DOCK8: variants seen among roughly 807,000 people sequenced by gnomAD.
DOCK8 encodes dedicator of cytokinesis 8, also known as dedicator of cytokinesis protein 8.
A neutral mutation model predicts 245.6 loss-of-function variants in DOCK8; 141 were observed. That is an observed-to-expected ratio of 0.57 (90% CI 0.50 to 0.66). DOCK8 has a LOEUF of 0.66. Ranked by LOEUF, DOCK8 falls within the 30% of genes least tolerant of loss-of-function variation. The probability of loss-of-function intolerance (pLI) is 0.00; values close to 1 mark genes in which losing one functional copy is unlikely to be tolerated. For missense variants in DOCK8, 2,965 were observed against 2,603.4 expected, an observed-to-expected ratio of 1.14 and a Z score of -3.02; for synonymous variants, 1,168 against 970.2, an observed-to-expected ratio of 1.20 and a Z score of -3.79.
chr9:322,668 A>G (rs1177407440), intron 7 of DOCK8, among the ~76,000 whole-genome samples: 3 of 152,218 alleles, frequency 2.0e-5, no homozygotes, highest in Admixed American at 1.3e-4. Flanking sequence ...TCTCGGAACC[A>G]CAGAGGACTT....
At position 248,547 on chromosome 9, in the gene DOCK8, TTCTC is replaced by T. The variant is rs71317280; in HGVS notation, c.54-23068_54-23065del. On this transcript the variant is annotated intron_variant, in intron 1 of 47. Coordinates refer to ENST00000432829, the MANE Select transcript of DOCK8 (RefSeq NM_203447.4). The stretch of plus-strand genomic sequence containing the variant: ...TCCCTCTCTCTCTTTCTTTCTTTCT[TTCTC>T]TCTCTCTCTCTTTCTTTCTTTCTCT... Among the ~76,000 whole-genome samples the T allele has an allele frequency of 1.3e-3, 87 of 67,480 alleles. 1 individual carries two copies. The highest frequency in any genetic ancestry group is 7.6e-3 in the South Asian group (13 of 1,720). 44.3% of individuals were successfully genotyped at this position (67,480 alleles called of 152,430 possible).
At chr9:407,432 A>G (rs530554966) in intron 28 of DOCK8, among the ~76,000 whole-genome samples, 33 of 152,358 alleles carry the variant, frequency 2.2e-4, no homozygotes, top group African/African-American at 7.5e-4. Context: ...CAACCACAAG[A>G]TGTCACTTGG....
chr9:433,997 A>T (rs1404721024), intron 38 of DOCK8, 22 bp downstream of exon 38: 1 of 1,549,630 alleles, frequency 6.5e-7, no homozygotes, highest in Non-Finnish European at 8.9e-7. Context: ...TGACACACTC[A>T]AGGGACACCA....
At chr9:411,076 A>G (rs1250275508) in intron 28 of DOCK8, among the ~76,000 whole-genome samples, 2 of 152,226 alleles carry the variant, frequency 1.3e-5, no homozygotes, top group Non-Finnish European at 2.9e-5. Context: ...AGATTGAGTT[A>G]GTAATCAAAC....
intron 23 of DOCK8, among the ~76,000 whole-genome samples, chr9:386,960 TA>T (rs1429880079): frequency 6.6e-6 from 1 of 152,202 alleles, no homozygotes; most frequent in African/African-American, 2.4e-5. Flanking sequence ...TCAGAAACTT[TA>T]AAAGCTGTTA....
chr9:318,297 C>T (rs1426780067), intron 7 of DOCK8, among the ~76,000 whole-genome samples: 1 of 152,168 alleles, frequency 6.6e-6, no homozygotes, highest in Non-Finnish European at 1.5e-5. Flanking sequence ...GATGGGTCAT[C>T]CATCTCTCAA....
chr9:359,220 T>C (rs568449937), intron 14 of DOCK8, among the ~76,000 whole-genome samples: 7 of 152,218 alleles, frequency 4.6e-5, no homozygotes, highest in Non-Finnish European at 8.8e-5. Flanking sequence ...TTAGCCCTTG[T>C]AGATATTATA....
chr9:268,233 T>C (rs894004820), intron 1 of DOCK8: 1 of 152,226 alleles, frequency 6.6e-6, no homozygotes, highest in Admixed American at 6.5e-5. Flanking sequence ...TATTTGACAG[T>C]TTTGAAGTGA....
intron 1 of DOCK8, 82 bp from the exon 2 acceptor site, chr9:271,545 C>A: frequency 9.0e-7 from 1 of 1,114,012 alleles, no homozygotes; most frequent in Non-Finnish European, 1.3e-6. Flanking sequence ...CGTTTTATAA[C>A]ATGATATCAA....
At chr9:234,947 C>T (rs1375825047) in intron 1 of DOCK8, among the ~76,000 whole-genome samples, 1 of 152,216 alleles carries the variant, frequency 6.6e-6, no homozygotes. Flanking sequence ...TGAGGAGCTG[C>T]GTTCCTTTGC....
chr9:235,943 G>T (rs1193640948), intron 1 of DOCK8, among the ~76,000 whole-genome samples: 1 of 152,206 alleles, frequency 6.6e-6, no homozygotes. Flanking sequence ...CCAGTGAGAT[G>T]AACCCGGTAC....
In DOCK8 at chr9:333,353, G is replaced by C. The variant is rs576032159; in HGVS notation, c.1126-872G>C. Among the ~76,000 whole-genome samples the C allele has an allele frequency of 3.9e-5, 6 of 152,346 alleles. No individual in the cohort carries two copies. The South Asian group carries it at 6.2e-4, about 16-fold the overall frequency. On this transcript the variant is annotated intron_variant, in intron 10 of 47. Transcript: ENST00000432829. The stretch of plus-strand genomic sequence containing the variant: ...GTGGTGGCTCACACCTGTAATCCCA[G>C]CACTTTGGGAGGCCAAGGCGGGCAG...
At chr9:211,400 C>G (rs2046617845), upstream of DOCK8, among the ~76,000 whole-genome samples, 1 of 151,474 alleles carries the variant, frequency 6.6e-6, no homozygotes, top group Non-Finnish European at 1.5e-5. Context: ...TACAGGAAGT[C>G]ACCAAAGCTA....
chr9:450,295 C>T (rs1296118699), intron 45 of DOCK8, among the ~76,000 whole-genome samples: 1 of 152,156 alleles, frequency 6.6e-6, no homozygotes, highest in Admixed American at 6.5e-5. Context: ...GCTTGAGACT[C>T]ACCTACAAAT....
intron 35 of DOCK8, among the ~76,000 whole-genome samples, 189 bp from the exon 36 acceptor site, chr9:429,513 A>G (rs896149791): frequency 1.3e-5 from 2 of 152,238 alleles, no homozygotes; most frequent in Non-Finnish European, 2.9e-5. Flanking sequence ...ACAGTTCATT[A>G]TTAAATCTCA....
intron 14 of DOCK8, among the ~76,000 whole-genome samples, chr9:361,197 A>G (rs138158747): frequency 0.014 from 2,136 of 152,188 alleles, 16 homozygotes; most frequent in African/African-American, 0.024. Context: ...AGAGGAAGGC[A>G]GGGGGATGTT....
chr9:368,576 C>A (rs916644387), intron 15 of DOCK8: 2 of 316,544 alleles, frequency 6.3e-6, no homozygotes, highest in Non-Finnish European at 1.2e-5. Flanking sequence ...TACAAAGTAC[C>A]GCCTAGTAAT....
chr9:410,206 G>C (rs558267024), intron 28 of DOCK8, among the ~76,000 whole-genome samples: 48 of 152,080 alleles, frequency 3.2e-4, no homozygotes, highest in Middle Eastern at 3.4e-3. Context: ...GAATATATTT[G>C]AGTAACCACC....
At position 405,046 on chromosome 9, in the gene DOCK8, A is replaced by G; in HGVS notation, c.3363A>G (p.Thr1121=). 1.2e-6 allele frequency: 2 copies of G among 1,613,836 alleles called. No homozygotes were observed. The highest frequency in any genetic ancestry group is 1.7e-6 in the Non-Finnish European group (2 of 1,179,928). ...LFFMNADTAP[T]SPCPSISSQN... is the part of the protein sequence containing the mutation. ...TTATGAATGCTGATACTGCTCCAACATCTCCTTGTCCTTCCATATCTTCCC... is the reference window on the plus strand; with the variant it reads ...TTATGAATGCTGATACTGCTCCAACGTCTCCTTGTCCTTCCATATCTTCCC... The change falls in exon 27 of 48, where the codon ACA becomes ACG. Residue 1121 remains threonine (T), a synonymous_variant. Transcript: ENST00000432829.
Sources: gnomAD v4.1 joint callset for allele counts (sites outside exome capture counted in the v4.1 genomes callset) on GRCh38, gnomAD v4.1.1 for gene constraint, MANE v1.5 for transcripts, NCBI Gene and HGNC (gene_info 2026-07-23, HGNC 2026-07-21) for gene names.